ELMO1: variants seen among roughly 807,000 people sequenced by gnomAD.
The protein encoded by ELMO1 is engulfment and cell motility protein 1.
ELMO1 carries 26 observed loss-of-function variants against 98.9 expected under a neutral mutation model. The ratio of observed to expected loss-of-function variants is 0.26; its 90% CI spans 0.19 to 0.36. ELMO1 has a LOEUF of 0.36. Ranked by LOEUF, ELMO1 falls within the 10% of genes least tolerant of loss-of-function variation. The pLI is 1.00. For synonymous variants in ELMO1, 346 were observed against 346.0 expected, an observed-to-expected ratio of 1.00 and a Z score of 0.00; for missense variants, 627 against 935.2, an observed-to-expected ratio of 0.67 and a Z score of 4.30.
chr7:37,292,937 T>C (rs191644929), intron 4 of ELMO1, among the ~76,000 whole-genome samples: 31,196 of 33,346 alleles, frequency 0.94, 14,829 homozygotes, highest in Non-Finnish European at 0.98. Context: ...GTCCCCCGCC[T>C]GGCCAGCCGC....
chr7:36,900,342 C>G (rs1806399329), intron 16 of ELMO1, among the ~76,000 whole-genome samples: 1 of 152,184 alleles, frequency 6.6e-6, no homozygotes, highest in Non-Finnish European at 1.5e-5. Context: ...CTATTTCTTA[C>G]TTGTATGATG....
At chr7:37,098,372 C>T (rs55845722) in intron 14 of ELMO1, among the ~76,000 whole-genome samples, 22,801 of 152,122 alleles carry the variant, frequency 0.15, 2,593 homozygotes, top group African/African-American at 0.32. Flanking sequence ...TACAGTTTAT[C>T]GCAAGTGCTA....
intron 16 of ELMO1, among the ~76,000 whole-genome samples, chr7:37,008,850 C>T (rs570428020): frequency 1.3e-5 from 2 of 152,294 alleles, no homozygotes; most frequent in Admixed American, 1.3e-4. Context: ...ATTCTATTAA[C>T]ATAAATCACC....
rs1795278392 is a variant in ELMO1 at position 37,037,789 on chromosome 7, A to G, written c.1301-24354T>C. 4.6e-5 allele frequency among the ~76,000 whole-genome samples: 7 copies of G among 152,190 alleles called. No individual in the cohort carries two copies. The South Asian group carries it at 1.5e-3, about 32-fold the overall frequency. ...GACATCACTTCATTTTGTCTGAATG[A>G]ATGATACTGAGATGCACACACAGAC... On this transcript the variant is annotated intron_variant, in intron 15 of 21. Transcript: ENST00000310758.
intron 16 of ELMO1, among the ~76,000 whole-genome samples, chr7:36,977,100 G>A (rs866108410): frequency 2.6e-5 from 4 of 152,148 alleles, no homozygotes; most frequent in African/African-American, 7.2e-5. Flanking sequence ...CTTTTAGCAC[G>A]CTACTGAAAC....
intron 15 of ELMO1, among the ~76,000 whole-genome samples, chr7:37,084,175 G>A (rs368159839): frequency 2.0e-5 from 3 of 152,280 alleles, no homozygotes; most frequent in African/African-American, 7.2e-5. Context: ...ACCCTGAGGA[G>A]GAGCGGGAGG....
intron 13 of ELMO1, among the ~76,000 whole-genome samples, chr7:37,168,238 G>A (rs1028238170): frequency 2.0e-5 from 3 of 152,106 alleles, no homozygotes; most frequent in Non-Finnish European, 2.9e-5. Context: ...TTATACATTC[G>A]TCTAAATTTT....
rs397943366 is a variant in ELMO1, at chr7:37,240,044, CT to C, written c.449+4311del. Among the ~76,000 whole-genome samples the C allele has an allele frequency of 4.7e-4, 63 of 133,000 alleles. 1 individual carries two copies. Among genetic ancestry groups the C allele is most frequent in the East Asian group, 3.7e-3 (17 of 4,642 alleles). The allele number at this position is 133,000 out of a possible 152,430, so 87.3% of individuals were successfully genotyped here. ...CTTAATTTTCTTTCTTTTTTTTTTTCTTTTTTTTTTTTGAGACAGAGTCTCA... is the reference window on the plus strand; with the variant it reads ...CTTAATTTTCTTTCTTTTTTTTTTTCTTTTTTTTTTTGAGACAGAGTCTCA... On this transcript the variant is annotated intron_variant, in intron 7 of 21. Transcript: ENST00000310758.
chr7:36,983,250 C>T (rs1322695410), intron 16 of ELMO1, among the ~76,000 whole-genome samples: 1 of 152,210 alleles, frequency 6.6e-6, no homozygotes, highest in Non-Finnish European at 1.5e-5. Context: ...TGGTGCATCA[C>T]ACAGTAACAT....
intron 16 of ELMO1, among the ~76,000 whole-genome samples, chr7:36,964,419 T>C (rs969641494): frequency 6.6e-6 from 1 of 152,226 alleles, no homozygotes; most frequent in Non-Finnish European, 1.5e-5. Flanking sequence ...TTAAATACTA[T>C]ACTGAAAGTA....
chr7:37,104,010 C>CAAAAAGAAAA (rs1784798557), intron 14 of ELMO1, among the ~76,000 whole-genome samples: 1 of 29,002 alleles, frequency 3.4e-5, no homozygotes, highest in African/African-American at 7.6e-5. Context: ...GACTCCATCT[C>CAAAAAGAAAA]AAAAAAAAAA....
intron 16 of ELMO1, among the ~76,000 whole-genome samples, chr7:36,901,809 T>A (rs1433513489): frequency 6.6e-6 from 1 of 151,702 alleles, no homozygotes; most frequent in East Asian, 1.9e-4. Flanking sequence ...AAAAAAAAAA[T>A]AATCCCCTCG....
chr7:37,319,044 TTTTA>T lies in ELMO1; in HGVS notation c.79-3088_79-3085del, dbSNP rs533656617. The stretch of plus-strand genomic sequence containing the variant: ...AGATTTCTTTTCTCCTCTTTTCTGC[TTTTA>T]TTTAATCAGTCAGTTCCTCATGGAT... On this transcript the variant is annotated intron_variant, in intron 2 of 21. Transcript: ENST00000310758. 2.0e-3 allele frequency among the ~76,000 whole-genome samples: 308 copies of T among 152,316 alleles called. 1 individual carries two copies. Among genetic ancestry groups the T allele is most frequent in the Non-Finnish European group, 3.7e-3 (249 of 68,024 alleles).
At chr7:37,185,658 C>A (rs892916372) in intron 13 of ELMO1, among the ~76,000 whole-genome samples, 1 of 152,208 alleles carries the variant, frequency 6.6e-6, no homozygotes, top group Middle Eastern at 3.4e-3. Context: ...GATTTTTGAT[C>A]CAGAAAATTT....
chr7:37,092,368 T>A (rs1487479842), intron 15 of ELMO1, among the ~76,000 whole-genome samples: 3 of 90,670 alleles, frequency 3.3e-5, no homozygotes, highest in Non-Finnish European at 4.0e-5. Flanking sequence ...CCCATATTCT[T>A]TTTTTTTTTT....
chr7:36,961,836 C>T (rs1584440941), intron 16 of ELMO1, among the ~76,000 whole-genome samples: 1 of 152,086 alleles, frequency 6.6e-6, no homozygotes, highest in East Asian at 1.9e-4. Flanking sequence ...TACTTTCTAC[C>T]CTGACCTTTA....
chr7:37,259,978 A>T (rs1401586227), intron 5 of ELMO1, among the ~76,000 whole-genome samples: 1 of 152,236 alleles, frequency 6.6e-6, no homozygotes, highest in East Asian at 1.9e-4. Context: ...AACCAAATTA[A>T]CAGCTATGCC....
chr7:37,333,621 A>T (rs1335295570), intron 2 of ELMO1, among the ~76,000 whole-genome samples: 2 of 152,232 alleles, frequency 1.3e-5, no homozygotes, highest in Non-Finnish European at 2.9e-5. Flanking sequence ...TTATGAGGTT[A>T]TATAGACTCT....
In ELMO1 at chr7:37,224,947, A is replaced by G. The variant is rs757973407; in HGVS notation, c.633T>C (p.Asn211=). 3.1e-6 allele frequency: 5 copies of G among 1,613,926 alleles called. No individual in the cohort carries two copies. The highest frequency in any genetic ancestry group is 1.3e-5 in the African/African-American group (1 of 75,040). The change falls in exon 9 of 22, where the codon AAT becomes AAC. Residue 211 remains asparagine (N), a synonymous_variant. Coordinates refer to ENST00000310758, the MANE Select transcript of ELMO1 (RefSeq NM_014800.11). ...CCACTTTCTGGTAGAGGTCATGGCT[A>G]TTGAGCACCATCGACTCCAAAATGG... ...SLAILESMVL[N]SHDLYQKVAQ...
Sources: allele counts gnomAD v4.1 joint callset (sites outside exome capture counted in the v4.1 genomes callset), GRCh38; gene constraint gnomAD v4.1.1; transcripts MANE v1.5; gene names NCBI Gene and HGNC (gene_info 2026-07-23, HGNC 2026-07-21).